Variants in ECE1 observed in about 807,000 individuals in gnomAD.
The protein encoded by ECE1 is endothelin-converting enzyme 1.
ECE1 carries 35 observed loss-of-function variants against 98.6 expected under a neutral mutation model. The observed-to-expected ratio is 0.35, with a 90% CI of 0.27 to 0.47. The LOEUF (loss-of-function observed/expected upper bound fraction) is 0.47. Among genes scored for constraint, ECE1 ranks in the 20% least tolerant of loss-of-function variants. The pLI, the probability that ECE1 is intolerant of heterozygous loss-of-function variation, is 1.00. For synonymous variants in ECE1, 394 were observed against 407.1 expected (o/e 0.97, Z 0.39); for missense variants, 814 against 1,025.3 (o/e 0.79, Z 2.81).
intron 1 of ECE1, among the ~76,000 whole-genome samples, chr1:21,334,396 T>C (rs952914269): frequency 2.0e-5 from 3 of 152,218 alleles, no homozygotes. Flanking sequence ...CGCTTTCTCA[T>C]GGCCATCTTC....
chr1:21,253,100 A>G (rs2098214855), intron 8 of ECE1, among the ~76,000 whole-genome samples: 1 of 151,854 alleles, frequency 6.6e-6, no homozygotes. Context: ...TCTGTCACCC[A>G]AGCTGGAGTG....
In ECE1 at chr1:21,233,441, G is replaced by A. The variant is rs556781688; in HGVS notation, c.1670+117C>T. 51 of 877,290 alleles carry A rather than the reference G, an allele frequency of 5.8e-5. 1 individual carries two copies. In the South Asian group the frequency reaches 6.4e-4, roughly 11 times the overall value. The allele number at this position is 877,290 out of a possible 1,614,324, so 54.3% of individuals were successfully genotyped here. A position where few individuals can be genotyped will look rare whatever the true frequency, so the allele number is the denominator to read the frequency against. On this transcript the variant is annotated intron_variant, in intron 14 of 18. Coordinates refer to ENST00000374893, the MANE Select transcript of ECE1 (RefSeq NM_001397.3). The surrounding 1 kb of genome is among the most constrained non-coding windows in gnomAD (Gnocchi z 4.0). ...TAACAAGGGCATCCACTCTTCAGAC[G>A]GCTCTCGTGATAGCTGATCGGGTGC...
At chr1:21,252,450 A>G (rs922233280) in intron 8 of ECE1, among the ~76,000 whole-genome samples, 7 of 152,180 alleles carry the variant, frequency 4.6e-5, no homozygotes. Flanking sequence ...TCACAAACCA[A>G]CCAATTCAAA....
chr1:21,241,558 G>C (rs1226959675), intron 10 of ECE1, among the ~76,000 whole-genome samples: 5 of 152,058 alleles, frequency 3.3e-5, no homozygotes, highest in Non-Finnish European at 7.4e-5. Flanking sequence ...ATGTAGCTGG[G>C]ATTACAGGTG....
chr1:21,245,403 C>T (rs1015971434), intron 9 of ECE1, among the ~76,000 whole-genome samples: 1 of 151,844 alleles, frequency 6.6e-6, no homozygotes, highest in Non-Finnish European at 1.5e-5. Flanking sequence ...TATGAAGCCC[C>T]AGCATGGAGA....
chr1:21,336,962 A>G (rs903660492), intron 1 of ECE1, among the ~76,000 whole-genome samples: 1 of 152,190 alleles, frequency 6.6e-6, no homozygotes, highest in African/African-American at 2.4e-5. Flanking sequence ...GCTTGAACCC[A>G]GGAGACAGAG....
intron 12 of ECE1, among the ~76,000 whole-genome samples, chr1:21,236,327 C>A (rs1032533510): frequency 6.6e-6 from 1 of 152,268 alleles, no homozygotes; most frequent in African/African-American, 2.4e-5. Flanking sequence ...CCGCTGAAGG[C>A]GAGACAGCAT....
intron 2 of ECE1, among the ~76,000 whole-genome samples, chr1:21,283,964 C>G (rs772828584): frequency 6.6e-6 from 1 of 152,144 alleles, no homozygotes; most frequent in East Asian, 1.9e-4. Context: ...AATCCAGATG[C>G]CTCACCCTGG....
chr1:21,291,079 G>A (rs1427603843), upstream of ECE1, among the ~76,000 whole-genome samples: 1 of 152,096 alleles, frequency 6.6e-6, no homozygotes, highest in Non-Finnish European at 1.5e-5. Context: ...CAGAAGCCAG[G>A]AAGGGGACCC....
chr1:21,332,381 GCA>G (rs1639216180), intron 1 of ECE1, among the ~76,000 whole-genome samples: 1 of 151,772 alleles, frequency 6.6e-6, no homozygotes, highest in African/African-American at 2.4e-5. Context: ...TGTACTGCAG[GCA>G]CTGATCCTGG....
intron 4 of ECE1, among the ~76,000 whole-genome samples, chr1:21,269,416 A>G (rs748253121): frequency 1.2e-4 from 18 of 152,190 alleles, no homozygotes; most frequent in Non-Finnish European, 2.4e-4. Flanking sequence ...CTTCTCTAAT[A>G]AATAAGAAAT....
chr1:21,297,530 C>CTTTCTT (rs1553368032), intron 1 of ECE1, among the ~76,000 whole-genome samples: 3 of 116,196 alleles, frequency 2.6e-5, no homozygotes, highest in East Asian at 2.5e-4. Flanking sequence ...TTTTCTTTTT[C>CTTTCTT]TTTTTTTTTT....
intron 1 of ECE1, among the ~76,000 whole-genome samples, chr1:21,323,716 A>C (rs1639013156): frequency 6.6e-6 from 1 of 152,174 alleles, no homozygotes; most frequent in African/African-American, 2.4e-5. Context: ...CAGAATAAAT[A>C]AGACAAATCA....
chr1:21,273,350 T>C (rs1170970081), intron 3 of ECE1, among the ~76,000 whole-genome samples: 8 of 76,230 alleles, frequency 1.0e-4, no homozygotes, highest in South Asian at 4.2e-4. Context: ...TGTGTGCGTG[T>C]GTGTGTGTGT....
intron 1 of ECE1, among the ~76,000 whole-genome samples, chr1:21,302,195 C>G (rs973562995): frequency 6.6e-6 from 1 of 152,236 alleles, no homozygotes; most frequent in Admixed American, 6.5e-5. Context: ...GGCTAAGTTC[C>G]CCACGTCCAG....
At chr1:21,342,610 AC>A (rs1193824686) in intron 1 of ECE1, among the ~76,000 whole-genome samples, 1 of 7,288 alleles carries the variant, frequency 1.4e-4, no homozygotes, top group Admixed American at 2.2e-3. Context: ...ACACAGATAC[AC>A]ACACACACAC....
chr1:21,290,887 C>CA (rs1264027521), upstream of ECE1, among the ~76,000 whole-genome samples: 1 of 152,108 alleles, frequency 6.6e-6, no homozygotes, highest in African/African-American at 2.4e-5. This position sits in a 1 kb window ranked among gnomAD's most constrained non-coding sequence, Gnocchi z 7.3. Flanking sequence ...CTTTCTAGCT[C>CA]AGAGGCCTTT....
rs760122134 is a variant in ECE1 at position 21,245,019 on chromosome 1, C to G, written c.1248G>C (p.Lys416Asn). ...LDQRFQDADEKFMEVMYGTKK... is the reference protein window; with the variant it reads ...LDQRFQDADENFMEVMYGTKK... ...TGGTCCCGTACATGACTTCCATGAA[C>G]TTCTCATCGGCGTCCTGAAAGCGCT... The change falls in exon 10 of 19, where the codon AAG (lysine) becomes AAC (asparagine). Residue 416 changes from lysine to asparagine, a missense_variant. Physicochemically the swap from Lys to Asn is moderately conservative, Grantham distance 94. Coordinates refer to ENST00000374893, the MANE Select transcript of ECE1 (RefSeq NM_001397.3). The G allele has an allele frequency of 6.2e-7, 1 of 1,614,180 alleles. No homozygotes were observed. Among genetic ancestry groups the G allele is most frequent in the Non-Finnish European group, 8.5e-7 (1 of 1,180,020 alleles).
At chr1:21,265,424 C>T (rs549453605) in intron 4 of ECE1, among the ~76,000 whole-genome samples, 53 of 152,224 alleles carry the variant, frequency 3.5e-4, no homozygotes, top group Non-Finnish European at 6.8e-4. Flanking sequence ...CCCAGCTACT[C>T]GGCAGGCTGA....
Sources: gnomAD v4.1 joint callset for allele counts (sites outside exome capture counted in the v4.1 genomes callset) on GRCh38, gnomAD v4.1.1 for gene constraint, Gnocchi (gnomAD v3.1) non-coding constraint, MANE v1.5 for transcripts, NCBI Gene and HGNC (gene_info 2026-07-23, HGNC 2026-07-21) for gene names.